The following SNED1 variants were observed in gnomAD, a reference collection of about 807,000 sequenced individuals.
SNED1 encodes the protein sushi, nidogen and EGF-like domain-containing protein 1.
SNED1 carries 81 observed loss-of-function variants against 166.7 expected under a neutral mutation model. That is an observed-to-expected ratio of 0.49 (90% confidence interval 0.41 to 0.58). The LOEUF (loss-of-function observed/expected upper bound fraction) is 0.58. Among genes scored for constraint, SNED1 ranks in the 20% least tolerant of loss-of-function variants. The pLI is 0.00. For synonymous variants in SNED1, 762 were observed against 822.0 expected (o/e 0.93, Z 1.25); for missense variants, 1,604 against 2,000.2 (o/e 0.80, Z 3.78).
chr2:241,082,298 C>A lies in SNED1; in HGVS notation c.4055C>A (p.Pro1352His). 1.2e-6 allele frequency: 2 copies of A among 1,613,306 alleles called. No homozygotes were observed. The highest frequency in any genetic ancestry group is 1.7e-6 in the Non-Finnish European group (2 of 1,179,338). ...CELACIKVSRPCTRLFSETKA... is the reference protein window; with the variant it reads ...CELACIKVSRHCTRLFSETKA... ...GCAGCCTGTATAAAGGTGTCCCGCC[C>A]CTGCACAAGGCTGTTCTCCGAGACA... The change falls in exon 29 of 32, where the codon CCC becomes CAC. Residue 1352 changes from proline (P) to histidine (H), a missense_variant. Pro to His is a moderately conservative substitution (Grantham distance 77). Around this residue, in one of 2 missense-constraint regions of SNED1, gnomAD observed 367 missense variants for 379.4 expected, o/e 0.97. Coordinates refer to ENST00000310397, the MANE Select transcript of SNED1 (RefSeq NM_001080437.3).
chr2:241,043,334 G>A (rs1356937899), intron 8 of SNED1, among the ~76,000 whole-genome samples: 1 of 152,120 alleles, frequency 6.6e-6, no homozygotes, highest in African/African-American at 2.4e-5. Flanking sequence ...AACAATGCAA[G>A]CCAGGAGACA....
chr2:241,073,118 C>A lies in SNED1; in HGVS notation c.3818-148C>A. 1 of 612,294 alleles carries A rather than the reference C, an allele frequency of 1.6e-6. No individual in the cohort carries two copies. The highest frequency in any genetic ancestry group is 2.9e-6 in the Non-Finnish European group (1 of 348,108). 37.9% of individuals were successfully genotyped at this position (612,294 alleles called of 1,614,324 possible). On this transcript the variant is annotated intron_variant, in intron 26 of 31. Transcript: ENST00000310397. This position sits in a 1 kb window ranked among gnomAD's most constrained non-coding sequence, Gnocchi z 6.6. ...CCTTCAGGGGAGGCAGCTCTGGGGC[C>A]GACAGGTGCTGGGGCCACGCAGGGA...
At chr2:241,027,083 A>AT (rs2060991354) in intron 1 of SNED1, among the ~76,000 whole-genome samples, 1 of 129,896 alleles carries the variant, frequency 7.7e-6, no homozygotes, top group Non-Finnish European at 1.7e-5. Context: ...AGATTTCCCT[A>AT]CTTTTTTTTT....
chr2:241,000,985 A>G (rs1297938578), intron 1 of SNED1, among the ~76,000 whole-genome samples: 2 of 152,344 alleles, frequency 1.3e-5, no homozygotes, highest in East Asian at 1.9e-4. Context: ...CCAGGTGGAA[A>G]GAAGGGAGGC....
In SNED1 at chr2:241,037,240, A is replaced by T; in HGVS notation, c.932A>T (p.Asp311Val). ...GGCCTCAGCCTGCCCCATGTTTCAG[A>T]CGTGAACGAATGTGCCTCCCAGCCC... The part of the protein sequence containing the change: ...SGFTGRRCHL[D>V]VNECASQPCQ... The change falls in exon 6 of 32, where the codon GAC becomes GTC. Residue 311 changes from aspartate to valine, a missense_variant and splice_region_variant. Coordinates refer to ENST00000310397, the MANE Select transcript of SNED1 (RefSeq NM_001080437.3). 1.2e-6 allele frequency: 2 copies of T among 1,607,100 alleles called. No homozygotes were observed. The highest frequency in any genetic ancestry group is 1.7e-6 in the Non-Finnish European group (2 of 1,176,780).
chr2:240,997,676 C>T (rs1450020450), upstream of SNED1, among the ~76,000 whole-genome samples: 2 of 152,206 alleles, frequency 1.3e-5, no homozygotes, highest in Non-Finnish European at 2.9e-5. Context: ...ACCATCAGCC[C>T]GGCCTTTCCT....
chr2:241,020,811 T>G (rs1275410711), intron 1 of SNED1, among the ~76,000 whole-genome samples: 1 of 152,078 alleles, frequency 6.6e-6, no homozygotes, highest in African/African-American at 2.4e-5. Flanking sequence ...TTCCCTTCTC[T>G]TGGACTCCAC....
chr2:241,019,868 G>C (rs1290701086), intron 1 of SNED1, among the ~76,000 whole-genome samples: 1 of 152,174 alleles, frequency 6.6e-6, no homozygotes, highest in African/African-American at 2.4e-5. Context: ...TTTTTCTGTA[G>C]AGGGCCAGGT....
chr2:241,004,066 G>T (rs2060148855), intron 1 of SNED1, among the ~76,000 whole-genome samples: 1 of 152,242 alleles, frequency 6.6e-6, no homozygotes, highest in Non-Finnish European at 1.5e-5. Context: ...AGATCCTGGA[G>T]TGGGGATGAG....
At position 241,064,215 on chromosome 2, in the gene SNED1, C is replaced by CCCCGCCCTCTG; in HGVS notation, c.2599+97_2599+107dup. The CCCCGCCCTCTG allele has an allele frequency of 1.1e-6, 1 of 882,150 alleles. No homozygotes were observed. The highest frequency in any genetic ancestry group is 1.7e-6 in the Non-Finnish European group (1 of 594,706). The allele number at this position is 882,150 out of a possible 1,614,324, so 54.6% of individuals were successfully genotyped here. ...GCTGCCCGCCCTCTGCCCGCCTGCT[C>CCCCGCCCTCTG]CCCGCCCTCTGCCCGCCTGCTCCCC... On this transcript the variant is annotated intron_variant, in intron 19 of 31. Transcript: ENST00000310397. This position sits in a 1 kb window ranked among gnomAD's most constrained non-coding sequence, Gnocchi z 7.0.
intron 1 of SNED1, among the ~76,000 whole-genome samples, chr2:241,014,401 C>T (rs2060510902): frequency 6.6e-6 from 1 of 152,208 alleles, no homozygotes; most frequent in Non-Finnish European, 1.5e-5. Context: ...GATTTCTGAG[C>T]CGTGGGATGT....
At chr2:241,004,762 C>T (rs1235753893) in intron 1 of SNED1, among the ~76,000 whole-genome samples, 1 of 152,092 alleles carries the variant, frequency 6.6e-6, no homozygotes, top group African/African-American at 2.4e-5. Flanking sequence ...CTCACTCTGT[C>T]GCCAGGTTGG....
intron 15 of SNED1, 122 bp from the exon 16 acceptor site, chr2:241,053,031 G>A: frequency 1.1e-6 from 1 of 920,820 alleles, no homozygotes; most frequent in Non-Finnish European, 1.6e-6. Context: ...CCTTTCCCCG[G>A]TGAAGGGCAG....
intron 21 of SNED1, among the ~76,000 whole-genome samples, chr2:241,067,266 G>A (rs935501070): frequency 1.2e-4 from 18 of 152,210 alleles, no homozygotes; most frequent in Admixed American, 2.0e-4. Flanking sequence ...CTGGAGCTTC[G>A]GAGGAGACTG....
At chr2:241,002,574 G>T (rs753659837) in intron 1 of SNED1, among the ~76,000 whole-genome samples, 1 of 152,150 alleles carries the variant, frequency 6.6e-6, no homozygotes, top group Admixed American at 6.5e-5. Flanking sequence ...GGCTGGAGTC[G>T]AGGAGGATGC....
chr2:241,026,268 A>C (rs1407666481), intron 1 of SNED1, among the ~76,000 whole-genome samples: 1 of 152,102 alleles, frequency 6.6e-6, no homozygotes, highest in Non-Finnish European at 1.5e-5. Context: ...CACCCACCTC[A>C]GCCTCCCAAA....
intron 1 of SNED1, among the ~76,000 whole-genome samples, chr2:241,025,867 T>G (rs1454964870): frequency 6.6e-6 from 1 of 152,056 alleles, no homozygotes; most frequent in East Asian, 1.9e-4. Flanking sequence ...AATGGTAACC[T>G]GTTTTTTTCT....
At chr2:241,067,189 C>G (rs1432531178) in intron 21 of SNED1, among the ~76,000 whole-genome samples, 1 of 152,184 alleles carries the variant, frequency 6.6e-6, no homozygotes, top group Admixed American at 6.5e-5. Flanking sequence ...GTCCACAGAC[C>G]GGGGTGCTGA....
At chr2:241,056,058 C>T (rs1302899427) in intron 16 of SNED1, among the ~76,000 whole-genome samples, 1 of 147,698 alleles carries the variant, frequency 6.8e-6, no homozygotes, top group Non-Finnish European at 1.5e-5. Flanking sequence ...GAAATGATGA[C>T]ACATAATCTA....
Sources: gnomAD v4.1 joint callset for allele counts (sites outside exome capture counted in the v4.1 genomes callset) on GRCh38, gnomAD v4.1.1 for gene constraint, gnomAD v4.1.1 regional missense constraint, Gnocchi (gnomAD v3.1) non-coding constraint, MANE v1.5 for transcripts, NCBI Gene and HGNC (gene_info 2026-07-23, HGNC 2026-07-21) for gene names.